MED16: variants seen among roughly 807,000 people sequenced by gnomAD.
MED16 encodes mediator complex subunit 16.
A neutral mutation model predicts 84.4 loss-of-function variants in MED16; 81 were observed. That is an observed-to-expected ratio of 0.96 (90% CI 0.80 to 1.15). The LOEUF is 1.15. MED16 is among the 50% of genes most tolerant of loss of function. The pLI is 0.00. For missense variants in MED16, 1,585 were observed against 1,245.9 expected (o/e 1.27, Z -4.10); for synonymous variants, 897 against 552.2 (o/e 1.62, Z -8.76).
chr19:879,611 G>C (rs1399533234), intron 8 of MED16, among the ~76,000 whole-genome samples: 7 of 109,118 alleles, frequency 6.4e-5, no homozygotes, highest in South Asian at 3.1e-4. Context: ...GGTTGTCAAT[G>C]CCCCCCAAGC....
At chr19:877,576 C>CAGGGGGTGGCG (rs1568325597) in intron 8 of MED16, among the ~76,000 whole-genome samples, 1 of 150,098 alleles carries the variant, frequency 6.7e-6, no homozygotes, top group African/African-American at 2.5e-5. Flanking sequence ...GCAGCGCAGG[C>CAGGGGGTGGCG]AGGGGCTGGC....
At chr19:892,961 C>T (rs2036673307) in intron 1 of MED16, 125 bp downstream of exon 1, 1 of 152,326 alleles carries the variant, frequency 6.6e-6, no homozygotes, top group Non-Finnish European at 1.5e-5. Flanking sequence ...TACCCAGCAG[C>T]CTTTGCTCCC....
At chr19:891,211 C>G (rs1289422068) in intron 1 of MED16, 62 bp from the exon 2 acceptor site, 1 of 1,494,278 alleles carries the variant, frequency 6.7e-7, no homozygotes, top group Non-Finnish European at 9.1e-7. Flanking sequence ...ATGTGGAGTG[C>G]CAGGCCAGAA....
At chr19:869,243 C>T (rs536532249) in intron 13 of MED16, among the ~76,000 whole-genome samples, 1 of 152,172 alleles carries the variant, frequency 6.6e-6, no homozygotes, top group Non-Finnish European at 1.5e-5. Context: ...GGTCGGTCCG[C>T]CACGTGCCCG....
intron 4 of MED16, 73 bp from the exon 5 acceptor site, chr19:886,274 G>A (rs998332623): frequency 3.5e-5 from 46 of 1,315,026 alleles, no homozygotes; most frequent in Non-Finnish European, 4.4e-5. Flanking sequence ...CCAGAAACAC[G>A]CGCACAGAAG....
intron 4 of MED16, among the ~76,000 whole-genome samples, chr19:888,294 G>A (rs1392376654): frequency 2.6e-5 from 4 of 152,120 alleles, no homozygotes; most frequent in Non-Finnish European, 5.9e-5. Flanking sequence ...GGCTGAGGCA[G>A]ACGGATCACC....
Position 873,370 on chromosome 19 carries a change from G to A in MED16, c.1905+79C>T, listed in dbSNP as rs111761152. ...GGGCGGGGCTGAGGTGGTTTTGAGG[G>A]GCAGGGGCAGGGAAGCGGGGTCCTG... On this transcript the variant is annotated intron_variant, in intron 11 of 15. Transcript: ENST00000325464. 1.4e-4 allele frequency: 209 copies of A among 1,466,216 alleles called. 2 individuals carry two copies. In the African/African-American group the frequency reaches 2.5e-3, roughly 17 times the overall value. 90.8% of individuals were successfully genotyped at this position (1,466,216 alleles called of 1,614,324 possible).
At chr19:868,616 C>A in intron 14 of MED16, 117 bp from the exon 15 acceptor site, 1 of 1,363,120 alleles carries the variant, frequency 7.3e-7, no homozygotes, top group South Asian at 1.3e-5. Context: ...CGCCTGCTCC[C>A]CACGTCCCCA....
intron 4 of MED16, among the ~76,000 whole-genome samples, chr19:886,803 C>A (rs967833643): frequency 1.3e-5 from 2 of 152,228 alleles, no homozygotes; most frequent in Non-Finnish European, 2.9e-5. Context: ...TGGCTGCGCA[C>A]GGTGGCTCTC....
At chr19:876,702 G>A (rs566176846) in intron 9 of MED16, among the ~76,000 whole-genome samples, 26 of 152,172 alleles carry the variant, frequency 1.7e-4, no homozygotes, top group Admixed American at 4.6e-4. Flanking sequence ...CCTGCCGCAG[G>A]GAAACCCCTC....
intron 10 of MED16, among the ~76,000 whole-genome samples, chr19:874,916 A>C (rs2036192639): frequency 6.6e-6 from 1 of 152,066 alleles, no homozygotes; most frequent in Non-Finnish European, 1.5e-5. Context: ...ATATCCCAGC[A>C]CTTTAGGAGG....
chr19:887,841 CG>C (rs554831907), intron 4 of MED16, among the ~76,000 whole-genome samples: 44 of 151,878 alleles, frequency 2.9e-4, no homozygotes, highest in African/African-American at 1.0e-3. Context: ...AACTGGGTCT[CG>C]GGGGCTGGGG....
chr19:876,963 C>CGGGGCCCCACCTGCCAT lies in MED16; in HGVS notation c.1560+10_1560+11insATGGCAGGTGGGGCCCC. ...ACCTGCCACGGGGCCCCACCTGCCACGGGCCCCCACCTGCTGCAGGGCAGC... is the reference window on the plus strand; with the variant it reads ...ACCTGCCACGGGGCCCCACCTGCCACGGGGCCCCACCTGCCATGGGCCCCCACCTGCTGCAGGGCAGC... On this transcript the variant is annotated intron_variant, in intron 9 of 15. Transcript: ENST00000325464. 1.9e-6 allele frequency: 3 copies of CGGGGCCCCACCTGCCAT among 1,600,220 alleles called. No individual in the cohort carries two copies. Among genetic ancestry groups the CGGGGCCCCACCTGCCAT allele is most frequent in the Admixed American group, 3.4e-5 (2 of 59,158 alleles).
rs546850353 is a variant in MED16 at position 868,843 on chromosome 19, C to T, written c.2399+20G>A. ...CCAGCGGCACATCTCTGGGAGTCAG[C>T]GGTTCCGGGGGCCCCTCACCTGGTG... On this transcript the variant is annotated intron_variant, in intron 14 of 15. Coordinates refer to ENST00000325464, the MANE Select transcript of MED16 (RefSeq NM_005481.3). 2.1e-5 allele frequency: 32 copies of T among 1,543,318 alleles called. No homozygotes were observed. Among genetic ancestry groups the T allele is most frequent in the Middle Eastern group, 3.4e-4 (2 of 5,958 alleles).
chr19:871,714 A>C (rs1264299646), intron 12 of MED16: 7 of 1,130,628 alleles, frequency 6.2e-6, no homozygotes, highest in South Asian at 4.9e-5. Context: ...GCAGGGGCTT[A>C]TGTTCTGGCG....
In MED16 at chr19:879,989, A is replaced by G; in HGVS notation, c.1301T>C (p.Met434Thr). 1 of 1,609,484 alleles carries G rather than the reference A, an allele frequency of 6.2e-7. No homozygotes were observed. Among genetic ancestry groups the G allele is most frequent in the Non-Finnish European group, 8.5e-7 (1 of 1,178,412 alleles). The stretch of plus-strand genomic sequence containing the variant: ...GGCCAGTGACGTCCACGATAGCTGC[A>G]TAGCCTTTAAGTGGACGGCGGGGCC... The part of the protein sequence containing the change: ...TAGPAVHLKA[M>T]QLSWTSLALV... The change falls in exon 8 of 16, where the codon ATG (methionine) becomes ACG (threonine). Residue 434 changes from methionine to threonine, a missense_variant. Coordinates refer to ENST00000325464, the MANE Select transcript of MED16 (RefSeq NM_005481.3).
chr19:867,993 C>G lies in MED16; in HGVS notation c.*108G>C. On this transcript the variant is annotated 3_prime_UTR_variant, in exon 16 of 16. Transcript: ENST00000325464. ...GCAGAGGGCGTTTATTGGACCTGTC[C>G]TTCCCAGCCGCTGCTTGTCCAGGTT... is the stretch of plus-strand genomic sequence containing the variant. 7.0e-7 allele frequency: 1 copy of G among 1,418,470 alleles called. No homozygotes were observed. The highest frequency in any genetic ancestry group is 9.4e-7 in the Non-Finnish European group (1 of 1,066,414). 87.9% of individuals were successfully genotyped at this position (1,418,470 alleles called of 1,614,324 possible). A position where few individuals can be genotyped will look rare whatever the true frequency, so the allele number is the denominator to read the frequency against.
At chr19:878,104 G>C (rs548256830) in intron 8 of MED16, among the ~76,000 whole-genome samples, 14 of 64,098 alleles carry the variant, frequency 2.2e-4, no homozygotes, top group Non-Finnish European at 3.7e-4. Flanking sequence ...CCAGCGCCAC[G>C]TGCCCCAGCA....
At chr19:885,450 C>T (rs1332856929) in intron 5 of MED16, among the ~76,000 whole-genome samples, 6 of 151,622 alleles carry the variant, frequency 4.0e-5, no homozygotes, top group East Asian at 3.9e-4. Context: ...CGGGAGAGCA[C>T]GTTGGGGGGG....
Sources: allele counts gnomAD v4.1 joint callset (sites outside exome capture counted in the v4.1 genomes callset), GRCh38; gene constraint gnomAD v4.1.1; transcripts MANE v1.5; gene names NCBI Gene and HGNC (gene_info 2026-07-23, HGNC 2026-07-21).